Variants in SPRY3 observed in about 807,000 individuals in gnomAD.
SPRY3 encodes the protein sprouty RTK signaling antagonist 3.
Under a neutral mutation model 20.2 loss-of-function variants are expected in SPRY3, and 15 were observed. That is an observed-to-expected ratio of 0.74 (90% CI 0.50 to 1.14). The LOEUF is 1.14. SPRY3 is among the 50% of genes most tolerant of loss of function. The probability of loss-of-function intolerance (pLI) is 0.00; values close to 1 mark genes in which losing one functional copy is unlikely to be tolerated. For synonymous variants in SPRY3, 143 were observed against 136.5 expected (o/e 1.05, Z -0.33); for missense variants, 364 against 363.9 (o/e 1.00, Z 0.00).
At chrX:155,772,489 G>C (rs1244609121) in intron 3 of SPRY3, among the ~76,000 whole-genome samples, 2 of 152,080 alleles carry the variant, frequency 1.3e-5, no homozygotes, top group Non-Finnish European at 2.9e-5. Flanking sequence ...TTTTGAGAAG[G>C]CCTGAAATCT....
intron 1 of SPRY3, among the ~76,000 whole-genome samples, chrX:155,615,173 T>G (rs1345198670): frequency 8.9e-6 from 1 of 112,766 alleles, no homozygotes; most frequent in African/African-American, 3.2e-5. Flanking sequence ...TGAATGCGTG[T>G]AGGTATGTTC....
At chrX:155,754,426 C>G (rs995937271) in intron 2 of SPRY3, among the ~76,000 whole-genome samples, 1 of 151,974 alleles carries the variant, frequency 6.6e-6, no homozygotes, top group Admixed American at 6.6e-5. Context: ...TTTCTGGACT[C>G]TCAATTATAT....
At chrX:155,650,007 C>G (rs1472793596) in intron 1 of SPRY3, among the ~76,000 whole-genome samples, 1 of 111,279 alleles carries the variant, frequency 9.0e-6, no homozygotes, top group Non-Finnish European at 1.9e-5. Flanking sequence ...CTCCCATTCA[C>G]AATTGCTAAA....
At chrX:155,737,985 T>C (rs1385743921) in intron 2 of SPRY3, among the ~76,000 whole-genome samples, 2 of 152,142 alleles carry the variant, frequency 1.3e-5, no homozygotes, top group South Asian at 4.1e-4. Context: ...TATATTTGAA[T>C]GCACTCACCT....
intron 2 of SPRY3, among the ~76,000 whole-genome samples, chrX:155,713,431 G>T (rs2091000735): frequency 6.6e-6 from 1 of 151,956 alleles, no homozygotes; most frequent in South Asian, 2.1e-4. Context: ...TGTTTGTCTG[G>T]GAATGTATTT....
intron 2 of SPRY3, among the ~76,000 whole-genome samples, chrX:155,704,147 A>G (rs1221474560): frequency 6.6e-6 from 1 of 151,894 alleles, no homozygotes; most frequent in Non-Finnish European, 1.5e-5. Context: ...GAATCAACAC[A>G]TTCCCAAAGA....
intron 2 of SPRY3, among the ~76,000 whole-genome samples, chrX:155,699,466 G>A (rs1028048038): frequency 2.7e-5 from 3 of 111,595 alleles, no homozygotes; most frequent in Admixed American, 9.5e-5. Context: ...GAACCTCAAC[G>A]GGTGCTCCCA....
At chrX:155,711,704 T>G (rs1457210255) in intron 2 of SPRY3, among the ~76,000 whole-genome samples, 1 of 151,248 alleles carries the variant, frequency 6.6e-6, no homozygotes. Flanking sequence ...TTTTTGCTAT[T>G]TATTTTTACT....
At chrX:155,650,940 G>A (rs2067975338) in intron 1 of SPRY3, among the ~76,000 whole-genome samples, 2 of 111,474 alleles carry the variant, frequency 1.8e-5, no homozygotes, top group African/African-American at 6.5e-5. Flanking sequence ...CAGTTTCAGG[G>A]GCATGTGGTA....
chrX:155,728,073 A>G (rs953466172), intron 2 of SPRY3, among the ~76,000 whole-genome samples: 1 of 151,892 alleles, frequency 6.6e-6, no homozygotes, highest in African/African-American at 2.4e-5. Context: ...GGTCTGTTGG[A>G]GTTTGCTGGA....
At chrX:155,650,934 T>G (rs1017620038) in intron 1 of SPRY3, among the ~76,000 whole-genome samples, 4 of 111,963 alleles carry the variant, frequency 3.6e-5, no homozygotes, top group Non-Finnish European at 7.5e-5. Context: ...AGAGCACAGT[T>G]TCAGGGGCAT....
chrX:155,725,885 T>C (rs2091093878), intron 2 of SPRY3, among the ~76,000 whole-genome samples: 1 of 152,114 alleles, frequency 6.6e-6, no homozygotes, highest in South Asian at 2.1e-4. Flanking sequence ...TGCTCTTGCT[T>C]CTCTAGTTCT....
chrX:155,680,678 C>G (rs777772438), intron 2 of SPRY3, among the ~76,000 whole-genome samples: 1 of 111,704 alleles, frequency 9.0e-6, no homozygotes, highest in Admixed American at 9.5e-5. Context: ...GTGCTTTGCT[C>G]TATTGTGCTT....
chrX:155,659,175 C>T (rs782647295), intron 2 of SPRY3, among the ~76,000 whole-genome samples: 37 of 101,465 alleles, frequency 3.6e-4, no homozygotes, highest in Non-Finnish European at 5.8e-4. Context: ...GACAGAGTCT[C>T]GCTCTGTCGC....
chrX:155,748,111 C>G (rs1000337227), intron 2 of SPRY3, among the ~76,000 whole-genome samples: 6 of 151,764 alleles, frequency 4.0e-5, no homozygotes, highest in African/African-American at 1.5e-4. Context: ...ATTTGCCATC[C>G]TATTCTTTTA....
intron 2 of SPRY3, among the ~76,000 whole-genome samples, chrX:155,724,803 C>T (rs1017560386): frequency 1.3e-5 from 2 of 152,068 alleles, no homozygotes; most frequent in East Asian, 3.9e-4. Flanking sequence ...AATTGAATAC[C>T]ATTTATTTCT....
chrX:155,678,696 C>G (rs772983351), intron 2 of SPRY3, among the ~76,000 whole-genome samples: 44 of 111,503 alleles, frequency 3.9e-4, no homozygotes, highest in Non-Finnish European at 7.7e-4. Context: ...AACTGTGATG[C>G]CTTGCAAACT....
chrX:155,722,724 A>G (rs2091068131), intron 2 of SPRY3, among the ~76,000 whole-genome samples: 1 of 152,106 alleles, frequency 6.6e-6, no homozygotes, highest in Admixed American at 6.6e-5. Flanking sequence ...ATCAAAAGAC[A>G]TAGACTGGCT....
At chrX:155,676,811 T>C (rs1440070258) in intron 2 of SPRY3, among the ~76,000 whole-genome samples, 2 of 111,666 alleles carry the variant, frequency 1.8e-5, no homozygotes, top group African/African-American at 6.5e-5. Flanking sequence ...GGACACCTAA[T>C]TCCATTTTTG....
Sources: gnomAD v4.1 joint callset for allele counts (sites outside exome capture counted in the v4.1 genomes callset) on GRCh38, gnomAD v4.1.1 for gene constraint, MANE v1.5 for transcripts, NCBI Gene and HGNC (gene_info 2026-07-23, HGNC 2026-07-21) for gene names.